The following FAM228B variants were observed in gnomAD, a reference collection of about 807,000 sequenced individuals.
FAM228B encodes family with sequence similarity 228 member B.
In FAM228B, 38 loss-of-function variants were observed where a neutral mutation model predicts 42.6. The ratio of observed to expected loss-of-function variants is 0.89; its 90% CI spans 0.69 to 1.17. FAM228B has a LOEUF of 1.17. Among genes scored for constraint, FAM228B ranks in the 50% most tolerant of loss-of-function variants. FAM228B has a pLI of 0.00. For missense variants in FAM228B, 344 were observed against 367.3 expected, an observed-to-expected ratio of 0.94 and a Z score of 0.52; for synonymous variants, 109 against 122.3, an observed-to-expected ratio of 0.89 and a Z score of 0.72.
Position 24,077,908 on chromosome 2 carries a change from T to C in FAM228B, c.-290+939T>C, listed in dbSNP as rs1437950560. 1.6e-5 allele frequency: 13 copies of C among 790,332 alleles called. No individual in the cohort carries two copies. The highest frequency in any genetic ancestry group is 2.6e-5 in the Non-Finnish European group (13 of 503,670). The allele number at this position is 790,332 out of a possible 1,614,324, so 49.0% of individuals were successfully genotyped here. A position where few individuals can be genotyped will look rare whatever the true frequency, so the allele number is the denominator to read the frequency against. ...AACCCCTCACTTCCTAGCATGTGTG[T>C]GAAATACCCTTGAAGGAGTCATGTG... On this transcript the variant is annotated intron_variant, in intron 1 of 10. Coordinates refer to the FAM228B transcript ENST00000613899. This position sits in a 1 kb window ranked among gnomAD's most constrained non-coding sequence, Gnocchi z 5.5.
chr2:24,165,227 G>A (rs4665668), intron 9 of FAM228B: 254,843 of 293,690 alleles, frequency 0.87, 113,011 homozygotes, highest in Non-Finnish European at 0.93. Context: ...AGCTGGCACC[G>A]ATGTCTCCAG....
At chr2:24,167,880 G>C in intron 10 of FAM228B, 197 bp downstream of exon 10, 1 of 553,394 alleles carries the variant, frequency 1.8e-6, no homozygotes, top group Non-Finnish European at 3.0e-6. Flanking sequence ...GCAGGGGTTT[G>C]AAGCTAGTGG....
Position 24,161,613 on chromosome 2 carries a change from A to G in FAM228B, c.794A>G (p.Lys265Arg). Residue 265 changes from lysine (K) to arginine (R), a missense_variant and splice_region_variant, in exon 8 of 11, where the codon AAA becomes AGA. Lys to Arg is a conservative substitution (Grantham distance 26). Transcript: ENST00000615575. ...GAAGAAGAAAAAACAGTTATTTACA[A>G]GTAAGTCTGTTCTTCCATAGCTTTG... Reference protein sequence around the residue: ...SQEEEKTVIYKNKGSSFLERE... With the variant: ...SQEEEKTVIYRNKGSSFLERE... The G allele has an allele frequency of 6.7e-7, 1 of 1,497,026 alleles. No homozygotes were observed. The highest frequency in any genetic ancestry group is 9.1e-7 in the Non-Finnish European group (1 of 1,097,216). The allele number at this position is 1,497,026 out of a possible 1,614,324, so 92.7% of individuals were successfully genotyped here.
chr2:24,134,191 C>T (rs1002966845), intron 2 of FAM228B, among the ~76,000 whole-genome samples: 3 of 151,982 alleles, frequency 2.0e-5, no homozygotes, highest in East Asian at 3.8e-4. Context: ...TAACTCATTT[C>T]CTTGATTTAT....
chr2:24,165,314 TTA>T, intron 9 of FAM228B: 3 of 462,992 alleles, frequency 6.5e-6, no homozygotes, highest in South Asian at 4.7e-5. Context: ...GGCCCTATCC[TTA>T]CAGAGAGGCC....
intron 1 of FAM228B, among the ~76,000 whole-genome samples, chr2:24,078,638 T>C (rs1223534497): frequency 1.3e-5 from 2 of 152,206 alleles, no homozygotes; most frequent in Non-Finnish European, 2.9e-5. Flanking sequence ...TAACTTCTGT[T>C]CTGTACCAGA....
intron 2 of FAM228B, among the ~76,000 whole-genome samples, chr2:24,125,738 T>G (rs1357810646): frequency 1.3e-5 from 2 of 152,112 alleles, no homozygotes; most frequent in East Asian, 3.9e-4. Flanking sequence ...TTTTTTTGGA[T>G]TTTTAGTAGA....
chr2:24,126,944 G>A (rs1323427346), intron 2 of FAM228B, among the ~76,000 whole-genome samples: 2 of 152,134 alleles, frequency 1.3e-5, no homozygotes, highest in African/African-American at 2.4e-5. Context: ...CTACTCTAAA[G>A]TGTACAATTC....
upstream of FAM228B, among the ~76,000 whole-genome samples, chr2:24,118,539 G>A (rs1363955753): frequency 6.6e-6 from 1 of 152,132 alleles, no homozygotes; most frequent in Admixed American, 6.5e-5. Flanking sequence ...ATGCCTTCCA[G>A]GGATTCACAA....
At chr2:24,125,554 TTC>T (rs1666288978) in intron 2 of FAM228B, among the ~76,000 whole-genome samples, 1 of 150,590 alleles carries the variant, frequency 6.6e-6, no homozygotes, top group African/African-American at 2.4e-5. Flanking sequence ...CTTTCATTCT[TTC>T]TCTCTCTTTC....
Position 24,169,347 on chromosome 2 carries a change from C to A in FAM228B, c.*15-9C>A. On this transcript the variant is annotated splice_polypyrimidine_tract_variant and intron_variant, in intron 10 of 10. Transcript: ENST00000615575. This position sits in a 1 kb window ranked among gnomAD's most constrained non-coding sequence, Gnocchi z 4.2. ...ACACTCAACTCTTCCCTTTTGTCAC[C>A]TTCAAAAGGTTTCAGCAACCAAGGA... is the stretch of plus-strand genomic sequence containing the variant. 2.1e-6 allele frequency: 1 copy of A among 467,666 alleles called. No individual in the cohort carries two copies. The highest frequency in any genetic ancestry group is 1.6e-5 in the South Asian group (1 of 64,304). The allele number at this position is 467,666 out of a possible 1,614,324, so 29.0% of individuals were successfully genotyped here.
chr2:24,077,076 C>A lies in FAM228B; in HGVS notation c.-290+107C>A. The A allele has an allele frequency of 1.0e-5, 1 of 95,994 alleles. No homozygotes were observed. Among genetic ancestry groups the A allele is most frequent in the South Asian group, 2.9e-4 (1 of 3,422 alleles). The allele number at this position is 95,994 out of a possible 1,614,324, so 5.9% of individuals were successfully genotyped here. On this transcript the variant is annotated intron_variant, in intron 1 of 10. Transcript: ENST00000613899. This position sits in a 1 kb window ranked among gnomAD's most constrained non-coding sequence, Gnocchi z 5.5. The stretch of plus-strand genomic sequence containing the variant: ...GCTGAGGAAAGTGGTGGAGGTGGGG[C>A]GGGGCTCAGATGTGTAGCGGGAGGT...
At chr2:24,134,803 TAGTC>T (rs1451881897) in intron 2 of FAM228B, among the ~76,000 whole-genome samples, 7 of 152,086 alleles carry the variant, frequency 4.6e-5, no homozygotes, top group African/African-American at 7.2e-5. Context: ...ACACAAAAAT[TAGTC>T]AGGCATGTGT....
At chr2:24,140,683 C>T (rs982859713) in intron 5 of FAM228B, among the ~76,000 whole-genome samples, 2 of 151,800 alleles carry the variant, frequency 1.3e-5, no homozygotes, top group African/African-American at 2.4e-5. Flanking sequence ...TTATGGCAGC[C>T]GGGCGCAGTG....
At chr2:24,150,798 A>ACG (rs1382639382) in intron 7 of FAM228B, among the ~76,000 whole-genome samples, 1 of 152,084 alleles carries the variant, frequency 6.6e-6, no homozygotes, top group East Asian at 1.9e-4. Context: ...CTGCTGCCAG[A>ACG]TGTGGTGGAG....
Position 24,077,754 on chromosome 2 carries a change from T to C in FAM228B, c.-290+785T>C. 1 of 1,613,464 alleles carries C rather than the reference T, an allele frequency of 6.2e-7. No homozygotes were observed. Among genetic ancestry groups the C allele is most frequent in the Non-Finnish European group, 8.5e-7 (1 of 1,179,582 alleles). ...CTCCGTGAAAGCATTCACCAGCATT[T>C]GCTTGTACTAAGACAAGGGAAAGGA... On this transcript the variant is annotated intron_variant, in intron 1 of 10. Transcript: ENST00000613899. This position sits in a 1 kb window ranked among gnomAD's most constrained non-coding sequence, Gnocchi z 5.5.
At chr2:24,124,771 C>T (rs985272895) in intron 2 of FAM228B, among the ~76,000 whole-genome samples, 1 of 152,138 alleles carries the variant, frequency 6.6e-6, no homozygotes, top group African/African-American at 2.4e-5. Flanking sequence ...ATATTTGAGA[C>T]AGGGTCTTGC....
chr2:24,091,305 C>T (rs1041008196), intron 2 of FAM228B, among the ~76,000 whole-genome samples: 4 of 152,070 alleles, frequency 2.6e-5, no homozygotes, highest in Non-Finnish European at 4.4e-5. Flanking sequence ...TGGTGGCGGG[C>T]GCCAGTAGTC....
intron 7 of FAM228B, among the ~76,000 whole-genome samples, chr2:24,160,248 C>A (rs2151030484): frequency 6.6e-6 from 1 of 152,196 alleles, no homozygotes; most frequent in South Asian, 2.1e-4. Context: ...CCTCAGACTC[C>A]CAGAGTGCTG....
Sources: allele counts gnomAD v4.1 joint callset (sites outside exome capture counted in the v4.1 genomes callset), GRCh38; gene constraint gnomAD v4.1.1; non-coding constraint Gnocchi (gnomAD v3.1); transcripts MANE v1.5; gene names NCBI Gene and HGNC (gene_info 2026-07-23, HGNC 2026-07-21).